The following LGI4 variants were observed in gnomAD, a reference collection of about 807,000 sequenced individuals.
LGI4 encodes leucine rich repeat LGI family member 4.
A neutral mutation model predicts 48.3 loss-of-function variants in LGI4; 36 were observed. The observed-to-expected ratio is 0.75, with a 90% CI of 0.57 to 0.98. The LOEUF is 0.98. Among genes scored for constraint, LGI4 ranks in the 50% least tolerant of loss-of-function variants. LGI4 has a pLI of 0.00. For synonymous variants in LGI4, 355 were observed against 331.6 expected, an observed-to-expected ratio of 1.07 and a Z score of -0.77; for missense variants, 701 against 732.1, an observed-to-expected ratio of 0.96 and a Z score of 0.49.
At position 35,125,485 on chromosome 19, in the gene LGI4, A is replaced by G; in HGVS notation, c.1322T>C (p.Met441Thr). 1 of 1,576,108 alleles carries G rather than the reference A, an allele frequency of 6.3e-7. No individual in the cohort carries two copies. Among genetic ancestry groups the G allele is most frequent in the Non-Finnish European group, 8.6e-7 (1 of 1,158,850 alleles). ...GGGAAGTTGCTGCAGCAGACGAAAC[A>G]TGGAGCCGTCCCAGCGCATGACCTG... is the stretch of plus-strand genomic sequence containing the variant. ...DSMVMRWDGSMFRLLQQLPSR... is the reference protein window; with the variant it reads ...DSMVMRWDGSTFRLLQQLPSR... The change falls in exon 9 of 9, where the codon ATG becomes ACG. Residue 441 changes from methionine (M) to threonine (T), a missense_variant. By Grantham distance (81) the Met-to-Thr change is moderately conservative. This residue lies in a region of LGI4 where 223 missense variants were observed against 263.3 expected (regional missense o/e 0.85). Transcript: ENST00000310123.
chr19:35,130,125 G>A (rs2065164765), intron 6 of LGI4, among the ~76,000 whole-genome samples: 1 of 152,040 alleles, frequency 6.6e-6, no homozygotes, highest in South Asian at 2.1e-4. Context: ...TTACCCTATA[G>A]TCCTGCCACA....
Position 35,126,776 on chromosome 19 carries a change from C to T in LGI4, c.794-1G>A. On this transcript the variant is annotated splice_acceptor_variant, in intron 7 of 8. Coordinates refer to ENST00000310123, the MANE Select transcript of LGI4 (RefSeq NM_139284.3). LOFTEE classifies it high-confidence loss of function. ...GGCTTGCAGGACACCACGGAGGCCGCTGTGGGGAGGTGGGGAGGCAGGTCA... is the reference window on the plus strand; with the variant it reads ...GGCTTGCAGGACACCACGGAGGCCGTTGTGGGGAGGTGGGGAGGCAGGTCA... The T allele has an allele frequency of 6.4e-7, 1 of 1,557,270 alleles. No homozygotes were observed. Among genetic ancestry groups the T allele is most frequent in the Non-Finnish European group, 8.6e-7 (1 of 1,157,012 alleles).
chr19:35,134,067 C>T lies in LGI4; in HGVS notation c.208G>A (p.Gly70Ser), dbSNP rs749834125. ...VRTGVTQLKA[G>S]SFLRIPSLHL... is the part of the protein sequence containing the mutation. Reference sequence around the variant, plus strand: ...AGAGACGGAATTCTCAGGAAGCTGCCGGCCTTCAGCTGGGTGACTCCCGTC... The same window carrying T: ...AGAGACGGAATTCTCAGGAAGCTGCTGGCCTTCAGCTGGGTGACTCCCGTC... Residue 70 changes from glycine to serine, a missense_variant, in exon 2 of 9, where the codon GGC becomes AGC. Coordinates refer to ENST00000310123, the MANE Select transcript of LGI4 (RefSeq NM_139284.3). 35 of 1,566,018 alleles carry T rather than the reference C, an allele frequency of 2.2e-5. No homozygotes were observed. The highest frequency in any genetic ancestry group is 1.7e-4 in the Middle Eastern group (1 of 6,026).
chr19:35,134,503 A>C lies in LGI4; in HGVS notation c.170+8T>G. The C allele has an allele frequency of 1.3e-6, 2 of 1,574,142 alleles. No homozygotes were observed. The highest frequency in any genetic ancestry group is 1.7e-6 in the Non-Finnish European group (2 of 1,159,730). On this transcript the variant is annotated splice_region_variant and intron_variant, in intron 1 of 8. Transcript: ENST00000310123. Reference sequence around the variant, plus strand: ...CACCTTCGGGCATGCAGAAGGCTGGACACTCACAGTGACAGCAGGGTCGGA... The same window carrying C: ...CACCTTCGGGCATGCAGAAGGCTGGCCACTCACAGTGACAGCAGGGTCGGA...
At position 35,126,541 on chromosome 19, in the gene LGI4, G is replaced by A. The variant is rs772173321; in HGVS notation, c.1028C>T (p.Thr343Met). The A allele has an allele frequency of 1.0e-5, 16 of 1,541,162 alleles. No homozygotes were observed. Among genetic ancestry groups the A allele is most frequent in the South Asian group, 3.6e-5 (3 of 84,318 alleles). Residue 343 changes from threonine to methionine, a missense_variant, in exon 8 of 9, where the codon ACG becomes ATG. Around this residue, in one of 3 missense-constraint regions of LGI4, gnomAD observed 16 missense variants for 32.5 expected, o/e 0.49. Transcript: ENST00000310123. The part of the protein sequence containing the change: ...VADASKAGST[T>M]LLCRDGPGFY... ...GCCGGGCCCGTCGCGGCACAGCAGCGTGGTGCTGCCCGCCTTGGAGGCATC... is the reference window on the plus strand; with the variant it reads ...GCCGGGCCCGTCGCGGCACAGCAGCATGGTGCTGCCCGCCTTGGAGGCATC...
At chr19:35,125,532 C>T (rs1168034915) in intron 8 of LGI4, 25 bp from the exon 9 acceptor site, 14 of 1,505,160 alleles carry the variant, frequency 9.3e-6, no homozygotes, top group Non-Finnish European at 1.2e-5. Context: ...CCAGTGAGGG[C>T]CTGGGGTCCC....
At chr19:35,125,916 C>T (rs2065131285) in intron 8 of LGI4, 2 of 521,862 alleles carry the variant, frequency 3.8e-6, no homozygotes, top group African/African-American at 3.8e-5. Context: ...AGAACCCTCC[C>T]CTGCCTGCAC....
rs1410963059 is a variant in LGI4 at position 35,131,347 on chromosome 19, A to G, written c.628+39T>C. 9.0e-6 allele frequency: 14 copies of G among 1,549,698 alleles called. No individual in the cohort carries two copies. The East Asian group carries it at 2.9e-4, about 32-fold the overall frequency. On this transcript the variant is annotated intron_variant, in intron 6 of 8. Transcript: ENST00000310123. ...TCTTGGCCCTGGCAGCCTTTCCCCC[A>G]GATCTCCCGCCTCCCACCCCATCGG... is the stretch of plus-strand genomic sequence containing the variant.
chr19:35,129,832 A>G (rs376528086), intron 6 of LGI4, among the ~76,000 whole-genome samples: 4 of 151,964 alleles, frequency 2.6e-5, no homozygotes, highest in African/African-American at 9.7e-5. Flanking sequence ...AGTTGAGATT[A>G]GAGGAAGGCA....
In LGI4 at chr19:35,126,926, G is replaced by C; in HGVS notation, c.720C>G (p.Pro240=). ...QGEPHIVLAQ[P]FAGRCLILSW... is the part of the protein sequence containing the mutation. ...AGAGAATCAGGCAGCGGCCGGCGAA[G>C]GGCTGTGCCAGCACAATGTGAGGCT... The change falls in exon 7 of 9, where the codon CCC becomes CCG. Residue 240 remains proline (P), a synonymous_variant. Coordinates refer to ENST00000310123, the MANE Select transcript of LGI4 (RefSeq NM_139284.3). 1 of 1,613,750 alleles carries C rather than the reference G, an allele frequency of 6.2e-7. No individual in the cohort carries two copies. Among genetic ancestry groups the C allele is most frequent in the Non-Finnish European group, 8.5e-7 (1 of 1,179,960 alleles).
chr19:35,134,727 C>G lies in LGI4; in HGVS notation c.-47G>C. 9.0e-7 allele frequency: 1 copy of G among 1,111,060 alleles called. No individual in the cohort carries two copies. The allele number at this position is 1,111,060 out of a possible 1,614,324, so 68.8% of individuals were successfully genotyped here. A position where few individuals can be genotyped will look rare whatever the true frequency, so the allele number is the denominator to read the frequency against. ...CACCCGCTTCTCCCGGCCCACCCAG[C>G]TCAGCCCAGGCCACTACGTCTCCTC... is the stretch of plus-strand genomic sequence containing the variant. On this transcript the variant is annotated 5_prime_UTR_variant, in exon 1 of 9. Transcript: ENST00000310123.
intron 6 of LGI4, 119 bp downstream of exon 6, chr19:35,131,267 C>T: frequency 7.8e-7 from 1 of 1,276,014 alleles, no homozygotes; most frequent in South Asian, 1.3e-5. Context: ...GGCAGTGCTG[C>T]TTGCTCAGGG....
At position 35,127,025 on chromosome 19, in the gene LGI4, TGGA is replaced by T; in HGVS notation, c.629-11_629-9del. Reference sequence around the variant, plus strand: ...TCTGGAACCAGGACAGCTCTGTGGGTGGAGAAGAGAGTCAGGCAGGCCCCAGGA... The same window carrying T: ...TCTGGAACCAGGACAGCTCTGTGGGTGAAGAGAGTCAGGCAGGCCCCAGGA... On this transcript the variant is annotated splice_polypyrimidine_tract_variant and intron_variant, in intron 6 of 8. Transcript: ENST00000310123. 1.3e-6 allele frequency: 2 copies of T among 1,574,596 alleles called. No individual in the cohort carries two copies. Among genetic ancestry groups the T allele is most frequent in the Non-Finnish European group, 1.7e-6 (2 of 1,155,860 alleles).
At chr19:35,132,353 C>T (rs2065181533) in intron 3 of LGI4, among the ~76,000 whole-genome samples, 1 of 152,092 alleles carries the variant, frequency 6.6e-6, no homozygotes, top group Non-Finnish European at 1.5e-5. Flanking sequence ...AACACCAATG[C>T]CAGCATCCCC....
chr19:35,129,622 A>T (rs1258831808), intron 6 of LGI4, among the ~76,000 whole-genome samples: 3 of 152,148 alleles, frequency 2.0e-5, no homozygotes, highest in Non-Finnish European at 4.4e-5. Context: ...TCCATTCTCG[A>T]TTAGCCGGGG....
chr19:35,134,491 G>T lies in LGI4; in HGVS notation c.170+20C>A, dbSNP rs1442841159. On this transcript the variant is annotated intron_variant, in intron 1 of 8. Transcript: ENST00000310123. ...GACTTCCGTCCCCACCTTCGGGCAT[G>T]CAGAAGGCTGGACACTCACAGTGAC... The T allele has an allele frequency of 6.4e-7, 1 of 1,567,840 alleles. No individual in the cohort carries two copies. The highest frequency in any genetic ancestry group is 1.2e-5 in the South Asian group (1 of 85,262).
Position 35,131,777 on chromosome 19 carries a change from C to G in LGI4, c.458+12G>C. 6.5e-7 allele frequency: 1 copy of G among 1,544,880 alleles called. No individual in the cohort carries two copies. The highest frequency in any genetic ancestry group is 1.2e-5 in the South Asian group (1 of 84,036). ...CCCAACCCCCCACATTCCCAGCCCC[C>G]ATGAGCCTCACACATGAGTAAGGGT... On this transcript the variant is annotated intron_variant, in intron 5 of 8. Coordinates refer to ENST00000310123, the MANE Select transcript of LGI4 (RefSeq NM_139284.3).
At chr19:35,127,352 T>G (rs948715361) in intron 6 of LGI4, among the ~76,000 whole-genome samples, 2 of 152,120 alleles carry the variant, frequency 1.3e-5, no homozygotes, top group Non-Finnish European at 2.9e-5. Context: ...TGGCTATTTT[T>G]TTATTTTTTG....
rs771382956 is a variant in LGI4, at chr19:35,125,402, G to T, written c.1405C>A (p.Leu469Ile). The T allele has an allele frequency of 6.2e-7, 1 of 1,611,912 alleles. No homozygotes were observed. The highest frequency in any genetic ancestry group is 1.1e-5 in the South Asian group (1 of 90,868). The part of the protein sequence containing the change: ...LLIARDQLAI[L>I]GSDFAFSQVL... ...TGGCTGAAGGCGAAGTCGCTGCCTA[G>T]GATGGCCAGCTGGTCCCTGGCGATG... is the stretch of plus-strand genomic sequence containing the variant. The change falls in exon 9 of 9, where the codon CTA becomes ATA. Residue 469 changes from leucine (L) to isoleucine (I), a missense_variant. Leu to Ile is a conservative substitution (Grantham distance 5, BLOSUM62 2). Coordinates refer to ENST00000310123, the MANE Select transcript of LGI4 (RefSeq NM_139284.3).
Sources: allele counts gnomAD v4.1 joint callset (sites outside exome capture counted in the v4.1 genomes callset), GRCh38; gene constraint gnomAD v4.1.1; regional missense constraint gnomAD v4.1.1; transcripts MANE v1.5; gene names NCBI Gene and HGNC (gene_info 2026-07-23, HGNC 2026-07-21).